The following TBC1D1 variants were observed in gnomAD, a reference collection of about 807,000 sequenced individuals.
TBC1D1 encodes the protein TBC1 domain family member 1, also known as TBC1 (tre-2/USP6, BUB2, cdc16) domain family, member 1.
Under a neutral mutation model 125.6 loss-of-function variants are expected in TBC1D1, and 89 were observed. That is an observed-to-expected ratio of 0.71 (90% CI 0.60 to 0.85). The LOEUF (loss-of-function observed/expected upper bound fraction) is 0.85. TBC1D1 is among the 40% of genes least tolerant of loss of function. The probability of loss-of-function intolerance (pLI) is 0.00; values close to 1 mark genes in which losing one functional copy is unlikely to be tolerated. For missense variants in TBC1D1, 1,377 were observed against 1,469.2 expected (o/e 0.94, Z 1.03); for synonymous variants, 565 against 564.1 (o/e 1.00, Z -0.02).
At chr4:37,962,117 A>T (rs1416277541) in intron 2 of TBC1D1, among the ~76,000 whole-genome samples, 4 of 152,222 alleles carry the variant, frequency 2.6e-5, no homozygotes, top group Admixed American at 2.6e-4. Flanking sequence ...ATGGTGTCCA[A>T]GTACTTCCCC....
chr4:38,044,533 T>A, intron 9 of TBC1D1, 43 bp downstream of exon 9: 1 of 1,579,770 alleles, frequency 6.3e-7, no homozygotes, highest in Non-Finnish European at 8.6e-7. Context: ...AATCACTTTT[T>A]AGGAGAGTGT....
intron 8 of TBC1D1, among the ~76,000 whole-genome samples, chr4:38,040,647 T>C (rs1206363712): frequency 6.6e-6 from 1 of 152,238 alleles, no homozygotes; most frequent in African/African-American, 2.4e-5. Context: ...AGCTTTATTA[T>C]GAGTTTGAAA....
At chr4:38,099,323 GAA>G in intron 14 of TBC1D1, among the ~76,000 whole-genome samples, 1 of 152,292 alleles carries the variant, frequency 6.6e-6, no homozygotes, top group Non-Finnish European at 1.5e-5. Flanking sequence ...GTTGTTAAAT[GAA>G]AAGAGTACAG....
At chr4:37,940,675 C>T (rs957463446) in intron 2 of TBC1D1, among the ~76,000 whole-genome samples, 1 of 152,034 alleles carries the variant, frequency 6.6e-6, no homozygotes, top group African/African-American at 2.4e-5. Flanking sequence ...ATAGATAGCT[C>T]TTATTATTTT....
At chr4:38,068,149 T>C (rs1044109723) in intron 12 of TBC1D1, among the ~76,000 whole-genome samples, 1 of 151,982 alleles carries the variant, frequency 6.6e-6, no homozygotes, top group Admixed American at 6.6e-5. Context: ...AAACAGGAGA[T>C]ATCAAGGAGG....
At chr4:38,112,171 A>G (rs905273398) in intron 15 of TBC1D1, 35 of 725,184 alleles carry the variant, frequency 4.8e-5, no homozygotes, top group South Asian at 1.9e-4. Flanking sequence ...GGTGGTGATT[A>G]TTATTATTTG....
intron 2 of TBC1D1, among the ~76,000 whole-genome samples, chr4:38,013,997 C>T (rs907170293): frequency 2.6e-5 from 4 of 152,202 alleles, no homozygotes; most frequent in Admixed American, 6.5e-5. Context: ...ATTTCAGAGC[C>T]TTTGTCTTCT....
chr4:37,979,504 A>G (rs923374961), intron 2 of TBC1D1, among the ~76,000 whole-genome samples: 7 of 152,228 alleles, frequency 4.6e-5, no homozygotes, highest in Non-Finnish European at 1.0e-4. Context: ...ATTACAAACT[A>G]GGTAATATCC....
intron 17 of TBC1D1, among the ~76,000 whole-genome samples, chr4:38,121,392 C>T (rs1022725165): frequency 1.3e-5 from 2 of 152,174 alleles, no homozygotes; most frequent in African/African-American, 2.4e-5. Context: ...CTGAAATGTC[C>T]TCAAAGAAAA....
chr4:38,040,479 G>A (rs1449384069), intron 8 of TBC1D1, among the ~76,000 whole-genome samples: 3 of 152,114 alleles, frequency 2.0e-5, no homozygotes, highest in Non-Finnish European at 4.4e-5. Flanking sequence ...AGTAGAGACG[G>A]GGTTTCACTG....
Position 37,977,822 on chromosome 4 carries a change from C to T in TBC1D1, c.418-36687C>T, listed in dbSNP as rs946522116. Among the ~76,000 whole-genome samples the T allele has an allele frequency of 6.6e-6, 1 of 152,294 alleles. No individual in the cohort carries two copies. The highest frequency in any genetic ancestry group is 2.1e-4 in the South Asian group (1 of 4,832). On this transcript the variant is annotated intron_variant, in intron 2 of 19. Transcript: ENST00000261439. This position sits in a 1 kb window ranked among gnomAD's most constrained non-coding sequence, Gnocchi z 4.3. ...ACCCAGCAGGCGGCTCCTCCGGCCC[C>T]TGTCGCTCCCCGCGCCGCGGAGCTG...
intron 6 of TBC1D1, among the ~76,000 whole-genome samples, chr4:38,026,839 C>T (rs765000259): frequency 4.6e-5 from 7 of 152,156 alleles, no homozygotes; most frequent in Non-Finnish European, 8.8e-5. Flanking sequence ...AACTTTTCCT[C>T]AAAACTCTTT....
chr4:38,062,807 G>T (rs1753013264), intron 12 of TBC1D1, among the ~76,000 whole-genome samples: 1 of 152,184 alleles, frequency 6.6e-6, no homozygotes, highest in Admixed American at 6.5e-5. Context: ...CCATAACACT[G>T]TGTGAGGGCT....
intron 12 of TBC1D1, among the ~76,000 whole-genome samples, chr4:38,088,462 T>G (rs1202282369): frequency 6.6e-6 from 1 of 152,238 alleles, no homozygotes; most frequent in East Asian, 1.9e-4. Flanking sequence ...TCCCTTCTTT[T>G]GTTCAACAGC....
Position 38,018,446 on chromosome 4 carries a change from A to G in TBC1D1, c.972+3A>G. On this transcript the variant is annotated splice_donor_region_variant and intron_variant, in intron 4 of 19. Coordinates refer to ENST00000261439, the MANE Select transcript of TBC1D1 (RefSeq NM_015173.4). ...AGGAGATATCCTTTTGCTCTCAGGTAAATGGAGATGGGTTTTTTTATTCAA... is the reference window on the plus strand; with the variant it reads ...AGGAGATATCCTTTTGCTCTCAGGTGAATGGAGATGGGTTTTTTTATTCAA... The G allele has an allele frequency of 1.9e-6, 3 of 1,579,346 alleles. No individual in the cohort carries two copies. The highest frequency in any genetic ancestry group is 2.2e-5 in the East Asian group (1 of 44,592).
intron 1 of TBC1D1, among the ~76,000 whole-genome samples, chr4:37,896,657 T>C (rs1164604051): frequency 1.3e-5 from 2 of 151,944 alleles, no homozygotes; most frequent in Non-Finnish European, 2.9e-5. Context: ...AGTGTTTTCA[T>C]GAGGAAGTTG....
chr4:37,893,154 C>G (rs1165594419), intron 1 of TBC1D1, among the ~76,000 whole-genome samples: 3 of 152,188 alleles, frequency 2.0e-5, no homozygotes, highest in Non-Finnish European at 4.4e-5. Flanking sequence ...TGGCCACCAG[C>G]TTTCTAGAGT....
intron 8 of TBC1D1, among the ~76,000 whole-genome samples, chr4:38,039,773 A>G (rs1578385557): frequency 6.6e-6 from 1 of 152,198 alleles, no homozygotes; most frequent in African/African-American, 2.4e-5. Flanking sequence ...GATGTGCAAT[A>G]TAATGACTGC....
At chr4:37,906,151 T>A (rs746273726) in intron 2 of TBC1D1, among the ~76,000 whole-genome samples, 2,287 of 150,830 alleles carry the variant, frequency 0.015, 50 homozygotes, top group African/African-American at 0.053. Context: ...CTTCTTTTTC[T>A]TTTCCCCCCC....
Sources: gnomAD v4.1 joint callset for allele counts (sites outside exome capture counted in the v4.1 genomes callset) on GRCh38, gnomAD v4.1.1 for gene constraint, Gnocchi (gnomAD v3.1) non-coding constraint, MANE v1.5 for transcripts, NCBI Gene and HGNC (gene_info 2026-07-23, HGNC 2026-07-21) for gene names.